ERI1: variants seen among roughly 807,000 people sequenced by gnomAD.
ERI1 encodes the protein 3'-5' exoribonuclease 1.
A neutral mutation model predicts 39.7 loss-of-function variants in ERI1; 39 were observed. That is an observed-to-expected ratio of 0.98 (90% CI 0.76 to 1.28). The LOEUF (loss-of-function observed/expected upper bound fraction) is 1.28. Among genes scored for constraint, ERI1 ranks in the 50% most tolerant of loss-of-function variants. The probability of loss-of-function intolerance (pLI) is 0.00; values close to 1 mark genes in which losing one functional copy is unlikely to be tolerated. For missense variants in ERI1, 581 were observed against 416.9 expected (o/e 1.39, Z -3.43); for synonymous variants, 204 against 149.6 (o/e 1.36, Z -2.65).
chr8:9,097,831 A>C (rs887928981), intron 3 of ERI1, among the ~76,000 whole-genome samples: 1 of 152,210 alleles, frequency 6.6e-6, no homozygotes, highest in Non-Finnish European at 1.5e-5. Context: ...CAGAAGTTTA[A>C]ATTTTTGTTA....
intron 3 of ERI1, among the ~76,000 whole-genome samples, chr8:9,049,497 C>G (rs770290535): frequency 1.3e-5 from 2 of 150,234 alleles, no homozygotes; most frequent in Non-Finnish European, 3.0e-5. Context: ...ACCTTTGGAT[C>G]TTGTCTTTAT....
chr8:9,034,248 T>C (rs1311675076), downstream of ERI1, among the ~76,000 whole-genome samples: 5 of 152,230 alleles, frequency 3.3e-5, no homozygotes, highest in Non-Finnish European at 7.3e-5. Flanking sequence ...CAAGGTAAAT[T>C]TCATTAGATT....
At chr8:9,004,393 A>G (rs1294825625) in intron 1 of ERI1, 2 of 670,000 alleles carry the variant, frequency 3.0e-6, no homozygotes, top group African/African-American at 2.0e-5. Flanking sequence ...ACACTTTTAC[A>G]GCTACTTAAG....
chr8:9,094,426 C>G (rs1340421270), intron 3 of ERI1, among the ~76,000 whole-genome samples: 5 of 152,168 alleles, frequency 3.3e-5, no homozygotes, highest in Non-Finnish European at 7.3e-5. Context: ...GGCTGAGTCT[C>G]AAACTTTTCA....
chr8:9,015,907 G>A (rs1817220452), intron 3 of ERI1, among the ~76,000 whole-genome samples: 2 of 152,168 alleles, frequency 1.3e-5, no homozygotes, highest in South Asian at 4.1e-4. Flanking sequence ...GTAAATGAGA[G>A]AAAAATAGTT....
chr8:9,035,486 C>T (rs987762233), downstream of ERI1, among the ~76,000 whole-genome samples: 2 of 152,126 alleles, frequency 1.3e-5, no homozygotes, highest in Non-Finnish European at 2.9e-5. Context: ...ACGGCAAAGC[C>T]TGAATGACAG....
intron 2 of ERI1, among the ~76,000 whole-genome samples, chr8:9,011,023 T>G (rs1816611686): frequency 6.6e-6 from 1 of 152,180 alleles, no homozygotes; most frequent in African/African-American, 2.4e-5. Context: ...CTTTATATGC[T>G]AGGCTCATAA....
At chr8:9,037,487 C>T (rs1196631286), downstream of ERI1, among the ~76,000 whole-genome samples, 1 of 150,792 alleles carries the variant, frequency 6.6e-6, no homozygotes, top group African/African-American at 2.4e-5. Flanking sequence ...TTCATATGTA[C>T]TGTATTGTTG....
chr8:9,018,466 A>G, intron 5 of ERI1, 60 bp downstream of exon 5: 11 of 934,728 alleles, frequency 1.2e-5, no homozygotes, highest in Non-Finnish European at 1.8e-5. Context: ...AGATACCCTT[A>G]TTTATCTGAT....
At chr8:9,074,569 G>C (rs1799149599) in intron 3 of ERI1, among the ~76,000 whole-genome samples, 1 of 152,154 alleles carries the variant, frequency 6.6e-6, no homozygotes, top group South Asian at 2.1e-4. Context: ...AGTCTCCTGA[G>C]TAGCTGAGAC....
chr8:9,054,682 T>C (rs1798453431), intron 3 of ERI1, among the ~76,000 whole-genome samples: 1 of 152,260 alleles, frequency 6.6e-6, no homozygotes, highest in Admixed American at 6.5e-5. Context: ...CCCAGCACTT[T>C]GGGAGGCCAA....
At chr8:9,044,499 A>G (rs1254790123) in intron 3 of ERI1, among the ~76,000 whole-genome samples, 1 of 152,154 alleles carries the variant, frequency 6.6e-6, no homozygotes, top group Non-Finnish European at 1.5e-5. Context: ...CAAATTGCCA[A>G]CTACCCATCA....
chr8:9,071,801 C>T (rs1462495527), intron 3 of ERI1, among the ~76,000 whole-genome samples: 5 of 152,228 alleles, frequency 3.3e-5, no homozygotes, highest in Non-Finnish European at 1.5e-5. Flanking sequence ...TGCAGTGGCT[C>T]ATGCCTGTAA....
At chr8:9,008,245 C>T (rs1816256017) in intron 2 of ERI1, 97 bp downstream of exon 2, 3 of 1,067,398 alleles carry the variant, frequency 2.8e-6, no homozygotes, top group Non-Finnish European at 3.9e-6. Context: ...TGTAATCCTA[C>T]CGTAATGACA....
At chr8:9,068,959 A>G (rs1209719841) in intron 3 of ERI1, among the ~76,000 whole-genome samples, 3 of 152,122 alleles carry the variant, frequency 2.0e-5, no homozygotes, top group Non-Finnish European at 4.4e-5. Context: ...CTGGGACTAC[A>G]GGTGTGCACC....
intron 2 of ERI1, among the ~76,000 whole-genome samples, chr8:9,009,798 C>G (rs1258693021): frequency 1.3e-5 from 2 of 152,174 alleles, no homozygotes; most frequent in East Asian, 3.9e-4. Context: ...TCCCAAAGTG[C>G]TGAGATTATA....
At chr8:9,034,917 A>G (rs955816517), downstream of ERI1, among the ~76,000 whole-genome samples, 2 of 152,220 alleles carry the variant, frequency 1.3e-5, no homozygotes, top group Non-Finnish European at 2.9e-5. Flanking sequence ...AAGAAAGCAA[A>G]ACAGCCTTAT....
chr8:9,079,502 T>C (rs1799308222), intron 3 of ERI1, among the ~76,000 whole-genome samples: 1 of 152,166 alleles, frequency 6.6e-6, no homozygotes, highest in African/African-American at 2.4e-5. Context: ...GTGTCCAGAA[T>C]GGGCTAGCAA....
chr8:9,014,599 C>G (rs1397832582), intron 3 of ERI1, among the ~76,000 whole-genome samples: 1 of 152,142 alleles, frequency 6.6e-6, no homozygotes, highest in Non-Finnish European at 1.5e-5. Context: ...TAGCATTCTT[C>G]TGTTAAAAGT....
Sources: gnomAD v4.1 joint callset for allele counts (sites outside exome capture counted in the v4.1 genomes callset) on GRCh38, gnomAD v4.1.1 for gene constraint, MANE v1.5 for transcripts, NCBI Gene and HGNC (gene_info 2026-07-23, HGNC 2026-07-21) for gene names.